The following SGPP2 variants were observed in gnomAD, a reference collection of about 807,000 sequenced individuals.
SGPP2 encodes the protein sphingosine-1-phosphate phosphatase 2, also known as sphingosine 1-phosphate phosphohydrolase 2.
SGPP2 carries 30 observed loss-of-function variants against 33.9 expected under a neutral mutation model. The observed-to-expected ratio is 0.89, with a 90% CI of 0.66 to 1.20. The LOEUF is 1.20. Ranked by LOEUF, SGPP2 falls within the 50% of genes most tolerant of loss-of-function variation. The pLI, the probability that SGPP2 is intolerant of heterozygous loss-of-function variation, is 0.00. For synonymous variants in SGPP2, 233 were observed against 225.0 expected, an observed-to-expected ratio of 1.04 and a Z score of -0.32; for missense variants, 458 against 532.1, an observed-to-expected ratio of 0.86 and a Z score of 1.37.
At chr2:222,509,399 A>G (rs1028195922) in intron 2 of SGPP2, among the ~76,000 whole-genome samples, 1 of 152,224 alleles carries the variant, frequency 6.6e-6, no homozygotes, top group African/African-American at 2.4e-5. Context: ...ATATAATGAT[A>G]TACTAATTTT....
intron 2 of SGPP2, among the ~76,000 whole-genome samples, chr2:222,507,479 G>A (rs892779879): frequency 6.6e-6 from 1 of 152,228 alleles, no homozygotes. Context: ...GGTTTGTAAA[G>A]CTAAAGGTTT....
At chr2:222,546,065 G>A (rs1190968134) in intron 4 of SGPP2, among the ~76,000 whole-genome samples, 1 of 152,154 alleles carries the variant, frequency 6.6e-6, no homozygotes, top group Non-Finnish European at 1.5e-5. Flanking sequence ...CTGTGTTTAC[G>A]TATGCCTGTG....
At chr2:222,514,620 C>T (rs1698577123) in intron 2 of SGPP2, among the ~76,000 whole-genome samples, 1 of 60,140 alleles carries the variant, frequency 1.7e-5, no homozygotes, top group Non-Finnish European at 5.8e-5. Context: ...TTAGTGTTTA[C>T]TTGTAAAAGA....
At chr2:222,547,521 C>T (rs1689222387) in intron 4 of SGPP2, among the ~76,000 whole-genome samples, 1 of 152,098 alleles carries the variant, frequency 6.6e-6, no homozygotes, top group African/African-American at 2.4e-5. Context: ...CTAAATCATG[C>T]TTCATATGAA....
At chr2:222,431,840 C>G (rs924802233) in intron 1 of SGPP2, among the ~76,000 whole-genome samples, 2 of 152,172 alleles carry the variant, frequency 1.3e-5, no homozygotes, top group African/African-American at 4.8e-5. Context: ...AGTGCCCCCA[C>G]TTTAACCAAA....
Position 222,427,833 on chromosome 2 carries a change from A to G in SGPP2, c.219+3012A>G, listed in dbSNP as rs928901624. Among the ~76,000 whole-genome samples the G allele has an allele frequency of 1.1e-4, 16 of 152,208 alleles. No individual in the cohort carries two copies. The East Asian group carries it at 3.1e-3, about 29-fold the overall frequency. ...CAAGTGACTAAAAGTTTCCTCTACAAGTTCTCATTACACCACACGCTGCTA... is the reference window on the plus strand; with the variant it reads ...CAAGTGACTAAAAGTTTCCTCTACAGGTTCTCATTACACCACACGCTGCTA... On this transcript the variant is annotated intron_variant, in intron 1 of 4. Coordinates refer to ENST00000321276, the MANE Select transcript of SGPP2 (RefSeq NM_152386.4).
chr2:222,488,176 C>T (rs1698141395), intron 2 of SGPP2, among the ~76,000 whole-genome samples: 1 of 152,180 alleles, frequency 6.6e-6, no homozygotes. Flanking sequence ...TTCCTGTGGT[C>T]CCCCATGATA....
rs1559180035 is a variant in SGPP2 at position 222,558,840 on chromosome 2, T to A, written c.1142T>A (p.Val381Asp). 1 of 1,614,150 alleles carries A rather than the reference T, an allele frequency of 6.2e-7. No homozygotes were observed. The highest frequency in any genetic ancestry group is 8.5e-7 in the Non-Finnish European group (1 of 1,179,970). Residue 381 changes from valine to aspartate, a missense_variant, in exon 5 of 5, where the codon GTT (valine) becomes GAT (aspartate). Coordinates refer to ENST00000321276, the MANE Select transcript of SGPP2 (RefSeq NM_152386.4). ...TACAAGTTTGTTACCTACACATCTG[T>A]TGGCATCTGCGCTACAACCTTTGTG... Reference protein sequence around the residue: ...VPYKFVTYTSVGICATTFVPM... With the variant: ...VPYKFVTYTSDGICATTFVPM...
intron 2 of SGPP2, among the ~76,000 whole-genome samples, chr2:222,488,242 G>A (rs1698142482): frequency 6.6e-6 from 1 of 152,200 alleles, no homozygotes; most frequent in African/African-American, 2.4e-5. Flanking sequence ...AGGGACAGGG[G>A]TCCCCTAACC....
chr2:222,524,408 C>T (rs1698727335), intron 3 of SGPP2, among the ~76,000 whole-genome samples: 1 of 152,210 alleles, frequency 6.6e-6, no homozygotes, highest in Non-Finnish European at 1.5e-5. Flanking sequence ...TATTACTCAG[C>T]AGCAAATGTT....
At chr2:222,491,383 A>G (rs769511603) in intron 2 of SGPP2, among the ~76,000 whole-genome samples, 31 of 152,206 alleles carry the variant, frequency 2.0e-4, no homozygotes, top group Non-Finnish European at 4.0e-4. Context: ...TTTATAAACA[A>G]CGGAGGTTTA....
chr2:222,525,191 A>G (rs879407786), intron 4 of SGPP2, among the ~76,000 whole-genome samples, 158 bp downstream of exon 4: 2 of 152,222 alleles, frequency 1.3e-5, no homozygotes, highest in Non-Finnish European at 2.9e-5. Flanking sequence ...GTTCGGGTGC[A>G]TGTATGATAA....
chr2:222,431,506 C>G lies in SGPP2; in HGVS notation c.219+6685C>G, dbSNP rs113010036. ...AGGTGACAGAGGAGACCTTGCCCCCCGCCCCCCGCTCGAAGTCTAAAAATT... is the reference window on the plus strand; with the variant it reads ...AGGTGACAGAGGAGACCTTGCCCCCGGCCCCCCGCTCGAAGTCTAAAAATT... On this transcript the variant is annotated intron_variant, in intron 1 of 4. Transcript: ENST00000321276. Among the ~76,000 whole-genome samples the G allele has an allele frequency of 1.1e-3, 171 of 152,116 alleles. 1 individual carries two copies. The highest frequency in any genetic ancestry group is 4.0e-3 in the African/African-American group (164 of 41,484).
At chr2:222,481,749 G>A (rs940540288) in intron 2 of SGPP2, among the ~76,000 whole-genome samples, 5 of 152,104 alleles carry the variant, frequency 3.3e-5, no homozygotes, top group Non-Finnish European at 7.4e-5. Context: ...ACTGTGGGGG[G>A]TGACCAGCCC....
chr2:222,485,260 A>G (rs1267791026), intron 2 of SGPP2, among the ~76,000 whole-genome samples: 1 of 152,222 alleles, frequency 6.6e-6, no homozygotes, highest in Non-Finnish European at 1.5e-5. Flanking sequence ...GTTTAGCATT[A>G]CAGTCTCATT....
chr2:222,443,565 C>A (rs1334013273), intron 1 of SGPP2, among the ~76,000 whole-genome samples: 7 of 152,190 alleles, frequency 4.6e-5, no homozygotes, highest in African/African-American at 1.4e-4. Context: ...AATTTTCTTT[C>A]CTGTTGCTCT....
intron 2 of SGPP2, chr2:222,504,879 G>A (rs956454206): frequency 1.3e-5 from 2 of 152,194 alleles, no homozygotes; most frequent in African/African-American, 4.8e-5. Flanking sequence ...AAAAAGGTGA[G>A]GCTTCTATTT....
intron 1 of SGPP2, among the ~76,000 whole-genome samples, chr2:222,442,352 A>G (rs751629032): frequency 5.3e-5 from 8 of 152,198 alleles, no homozygotes; most frequent in Non-Finnish European, 8.8e-5. Flanking sequence ...TCATCTGGTG[A>G]CAGTGGTTGA....
chr2:222,486,744 T>G (rs1334599033), intron 2 of SGPP2, among the ~76,000 whole-genome samples: 1 of 112,218 alleles, frequency 8.9e-6, no homozygotes. Context: ...GTGTAGAGCC[T>G]AGATTCGAAC....
Sources: gnomAD v4.1 joint callset for allele counts (sites outside exome capture counted in the v4.1 genomes callset) on GRCh38, gnomAD v4.1.1 for gene constraint, MANE v1.5 for transcripts, NCBI Gene and HGNC (gene_info 2026-07-23, HGNC 2026-07-21) for gene names.